SPAG16: variants seen among roughly 807,000 people sequenced by gnomAD.
SPAG16 encodes the protein sperm associated antigen 16.
SPAG16 carries 86 observed loss-of-function variants against 80.4 expected under a neutral mutation model. The ratio of observed to expected loss-of-function variants is 1.07; its 90% confidence interval spans 0.90 to 1.28. The LOEUF is 1.28. SPAG16 is among the 50% of genes most tolerant of loss of function. The pLI is 0.00. For missense variants in SPAG16, 870 were observed against 765.3 expected (o/e 1.14, Z -1.61); for synonymous variants, 294 against 265.9 (o/e 1.11, Z -1.03).
chr2:213,925,237 C>T (rs537935281), intron 11 of SPAG16, among the ~76,000 whole-genome samples: 1 of 152,206 alleles, frequency 6.6e-6, no homozygotes, highest in African/African-American at 2.4e-5. Flanking sequence ...AAATTGTTTG[C>T]TCACTATTTC....
intron 9 of SPAG16, chr2:213,422,419 G>A (rs966278177): frequency 3.2e-6 from 2 of 632,722 alleles, no homozygotes; most frequent in African/African-American, 3.6e-5. Context: ...ACAGTGGCTG[G>A]ACCTGGTTCT....
intron 11 of SPAG16, among the ~76,000 whole-genome samples, chr2:213,863,593 A>G (rs1455215470): frequency 6.6e-6 from 1 of 152,058 alleles, no homozygotes; most frequent in African/African-American, 2.4e-5. Flanking sequence ...ATGAACATGC[A>G]GTGTATTCCG....
At chr2:213,681,755 AGTTCTGCACT>A (rs1181772234) in intron 10 of SPAG16, among the ~76,000 whole-genome samples, 1 of 152,162 alleles carries the variant, frequency 6.6e-6, no homozygotes, top group African/African-American at 2.4e-5. Flanking sequence ...GCCTCAAACC[AGTTCTGCACT>A]GCATTTTTTT....
chr2:214,291,754 T>C (rs908923270), intron 15 of SPAG16, among the ~76,000 whole-genome samples: 4 of 152,212 alleles, frequency 2.6e-5, no homozygotes, highest in Admixed American at 2.6e-4. Flanking sequence ...TGTTCCTTTC[T>C]TTTTCTTCTT....
chr2:214,069,615 G>A (rs983081555), intron 13 of SPAG16, among the ~76,000 whole-genome samples: 1 of 152,040 alleles, frequency 6.6e-6, no homozygotes, highest in African/African-American at 2.4e-5. Flanking sequence ...AAAATCATAT[G>A]ACCAAGGGAG....
At chr2:213,292,494 C>G (rs1397197461) in intron 1 of SPAG16, among the ~76,000 whole-genome samples, 2 of 151,086 alleles carry the variant, frequency 1.3e-5, no homozygotes, top group Admixed American at 6.6e-5. Context: ...GAAACCCCGT[C>G]TCTACTAAAA....
chr2:213,304,329 C>G (rs1482942614), intron 3 of SPAG16, among the ~76,000 whole-genome samples: 1 of 152,062 alleles, frequency 6.6e-6, no homozygotes, highest in African/African-American at 2.4e-5. Flanking sequence ...TATGGGTAGT[C>G]CCTTCACATT....
At chr2:213,644,433 A>C (rs1168319856) in intron 10 of SPAG16, among the ~76,000 whole-genome samples, 1 of 152,154 alleles carries the variant, frequency 6.6e-6, no homozygotes, top group South Asian at 2.1e-4. Context: ...TGGGCATTAA[A>C]GATTTAGGTA....
At chr2:214,293,259 G>A (rs1050258606) in intron 15 of SPAG16, among the ~76,000 whole-genome samples, 1 of 152,184 alleles carries the variant, frequency 6.6e-6, no homozygotes, top group Non-Finnish European at 1.5e-5. Flanking sequence ...CAACTCAGTG[G>A]AACACCAATT....
intron 15 of SPAG16, among the ~76,000 whole-genome samples, chr2:214,356,109 C>T (rs978260665): frequency 5.3e-5 from 8 of 151,094 alleles, no homozygotes; most frequent in Non-Finnish European, 1.0e-4. Flanking sequence ...TTAATGAGTG[C>T]AGCACACCAG....
intron 15 of SPAG16, among the ~76,000 whole-genome samples, chr2:214,256,778 A>C (rs1262790131): frequency 6.6e-6 from 1 of 151,852 alleles, no homozygotes; most frequent in Non-Finnish European, 1.5e-5. Context: ...ACATTGATCT[A>C]TTGTCAATTT....
intron 15 of SPAG16, among the ~76,000 whole-genome samples, chr2:214,266,425 T>C (rs1403470477): frequency 6.6e-6 from 1 of 151,868 alleles, no homozygotes; most frequent in Non-Finnish European, 1.5e-5. Flanking sequence ...TTAAACATTG[T>C]GAACAGTCAA....
rs374274176 is a variant in SPAG16 at position 213,980,725 on chromosome 2, T to TATATAGAGAG, written c.1401-33225_1401-33224insTATAGAGAGA. On this transcript the variant is annotated intron_variant, in intron 12 of 15. Transcript: ENST00000331683. The stretch of plus-strand genomic sequence containing the variant: ...GTGTGTGTGTGTGTATATATATATA[T>TATATAGAGAG]AGAGAGAGAGAGAGAGAGAGAGAGA... Among the ~76,000 whole-genome samples the TATATAGAGAG allele has an allele frequency of 7.1e-3, 734 of 103,966 alleles. 13 individuals carry two copies. The highest frequency in any genetic ancestry group is 0.026 in the East Asian group (90 of 3,490). 68.2% of individuals were successfully genotyped at this position (103,966 alleles called of 152,430 possible).
At chr2:213,388,025 CT>C (rs2067541479) in intron 9 of SPAG16, among the ~76,000 whole-genome samples, 1 of 152,146 alleles carries the variant, frequency 6.6e-6, no homozygotes, top group South Asian at 2.1e-4. Context: ...AGTCTAGAGT[CT>C]GTTGAAGTCT....
At chr2:213,394,737 C>G (rs1489382523) in intron 9 of SPAG16, among the ~76,000 whole-genome samples, 2 of 152,096 alleles carry the variant, frequency 1.3e-5, no homozygotes, top group African/African-American at 2.4e-5. Flanking sequence ...CATAATTCCA[C>G]TGAGTCATCC....
intron 10 of SPAG16, among the ~76,000 whole-genome samples, chr2:213,670,593 TTA>T (rs2063780256): frequency 6.6e-6 from 1 of 152,136 alleles, no homozygotes; most frequent in Non-Finnish European, 1.5e-5. Flanking sequence ...TAAATATTTA[TTA>T]TGTTTCAAAT....
At position 214,250,763 on chromosome 2, in the gene SPAG16, G is replaced by T. The variant is rs868840771; in HGVS notation, c.1720+101497G>T. ...ATATATATATATATATATATAGAGA[G>T]AGAGAGAGAGAGAGAGAGAGAGAGA... On this transcript the variant is annotated intron_variant, in intron 15 of 15. Coordinates refer to ENST00000331683, the MANE Select transcript of SPAG16 (RefSeq NM_024532.5). Among the ~76,000 whole-genome samples, 1,186 of 126,798 alleles carry T rather than the reference G, an allele frequency of 9.4e-3. 5 individuals are homozygous for T. Among genetic ancestry groups the T allele is most frequent in the Non-Finnish European group, 0.011 (653 of 57,292 alleles). The allele number at this position is 126,798 out of a possible 152,430, so 83.2% of individuals were successfully genotyped here. A position where few individuals can be genotyped will look rare whatever the true frequency, so the allele number is the denominator to read the frequency against.
chr2:213,317,049 A>G (rs919360367), intron 4 of SPAG16, among the ~76,000 whole-genome samples, 170 bp from the exon 5 acceptor site: 3 of 152,124 alleles, frequency 2.0e-5, no homozygotes, highest in African/African-American at 7.2e-5. Flanking sequence ...CCTAGAAGTC[A>G]TATTTTATTC....
chr2:214,025,381 C>T (rs2048077472), intron 13 of SPAG16, among the ~76,000 whole-genome samples: 1 of 151,568 alleles, frequency 6.6e-6, no homozygotes, highest in Non-Finnish European at 1.5e-5. Context: ...TTACTTGTAG[C>T]CTCTTAATTT....
Sources: gnomAD v4.1 joint callset for allele counts (sites outside exome capture counted in the v4.1 genomes callset) on GRCh38, gnomAD v4.1.1 for gene constraint, MANE v1.5 for transcripts, NCBI Gene and HGNC (gene_info 2026-07-23, HGNC 2026-07-21) for gene names.